The following SLC16A12 variants were observed in gnomAD, a reference collection of about 807,000 sequenced individuals.
SLC16A12 encodes monocarboxylate transporter 12.
SLC16A12 carries 17 observed loss-of-function variants against 42.4 expected under a neutral mutation model. That is an observed-to-expected ratio of 0.40 (90% CI 0.27 to 0.60). SLC16A12 has a LOEUF of 0.60. Ranked by LOEUF, SLC16A12 falls within the 20% of genes least tolerant of loss-of-function variation. The pLI is 0.42. For synonymous variants in SLC16A12, 224 were observed against 229.4 expected (o/e 0.98, Z 0.21); for missense variants, 544 against 623.0 (o/e 0.87, Z 1.35).
At chr10:89,437,504 C>A (rs989194691) in intron 6 of SLC16A12, among the ~76,000 whole-genome samples, 1 of 151,812 alleles carries the variant, frequency 6.6e-6, no homozygotes, top group African/African-American at 2.4e-5. Flanking sequence ...TAATAAGGAG[C>A]AAAGCCAGTG....
chr10:89,529,674 A>G (rs946228720), intron 2 of SLC16A12, among the ~76,000 whole-genome samples: 1 of 151,358 alleles, frequency 6.6e-6, no homozygotes, highest in African/African-American at 2.4e-5. Context: ...CAGCCCCCCT[A>G]GTAGCTGGGA....
chr10:89,543,124 G>C (rs1313074483), intron 2 of SLC16A12, among the ~76,000 whole-genome samples: 1 of 152,198 alleles, frequency 6.6e-6, no homozygotes. Context: ...GATGCTTAAT[G>C]GTTAGAGAGA....
intron 2 of SLC16A12, among the ~76,000 whole-genome samples, chr10:89,549,886 T>C (rs2133889794): frequency 6.6e-6 from 1 of 152,332 alleles, no homozygotes; most frequent in Non-Finnish European, 1.5e-5. Context: ...CCAGGGTAGC[T>C]GGAAGGGAGT....
At chr10:89,466,155 C>T (rs187144707) in intron 2 of SLC16A12, among the ~76,000 whole-genome samples, 3 of 152,282 alleles carry the variant, frequency 2.0e-5, no homozygotes, top group East Asian at 1.9e-4. Flanking sequence ...AATAATTTTA[C>T]TTTCACAAAA....
At chr10:89,473,171 C>T (rs303203) in intron 2 of SLC16A12, among the ~76,000 whole-genome samples, 70,794 of 150,826 alleles carry the variant, frequency 0.47, 16,880 homozygotes, top group Non-Finnish European at 0.52. Flanking sequence ...ATTCTAAAAT[C>T]TATATGGAAC....
rs1841845791 is a variant in SLC16A12, at chr10:89,438,661, A to G, written c.971T>C (p.Ile324Thr). ...GCCAATAATGTCAATCACTCCAAGT[A>G]TGGACATAAGAAAAGCAGCTTGCTG... ...SHQQAAFLMS[I>T]LGVIDIIGNI... Residue 324 changes from isoleucine (I) to threonine (T), a missense_variant, in exon 6 of 8, where the codon ATA becomes ACA. Coordinates refer to ENST00000371790, the MANE Select transcript of SLC16A12 (RefSeq NM_213606.4). 3 of 1,614,086 alleles carry G rather than the reference A, an allele frequency of 1.9e-6. No homozygotes were observed. Among genetic ancestry groups the G allele is most frequent in the Non-Finnish European group, 2.5e-6 (3 of 1,179,986 alleles).
chr10:89,546,633 C>G (rs759569282), intron 2 of SLC16A12, among the ~76,000 whole-genome samples: 2 of 152,192 alleles, frequency 1.3e-5, no homozygotes, highest in Admixed American at 1.3e-4. Context: ...CGCGATTCCT[C>G]AAGGATCTAG....
At chr10:89,511,823 A>C (rs1011031000) in intron 2 of SLC16A12, among the ~76,000 whole-genome samples, 34 of 152,330 alleles carry the variant, frequency 2.2e-4, no homozygotes, top group African/African-American at 8.2e-4. Flanking sequence ...TATACCCAAA[A>C]GAATTAAAAG....
intron 2 of SLC16A12, among the ~76,000 whole-genome samples, chr10:89,509,521 C>T (rs1340820221): frequency 6.6e-6 from 1 of 152,130 alleles, no homozygotes; most frequent in Non-Finnish European, 1.5e-5. Context: ...GCAAAAAAGG[C>T]CTTTGACAAA....
At chr10:89,496,842 A>C (rs1199489539) in intron 2 of SLC16A12, among the ~76,000 whole-genome samples, 1 of 152,174 alleles carries the variant, frequency 6.6e-6, no homozygotes, top group African/African-American at 2.4e-5. Flanking sequence ...AGAGAGTGGA[A>C]GAATATATCT....
chr10:89,483,721 T>C lies in SLC16A12; in HGVS notation c.-46-21097A>G, dbSNP rs1391270714. ...CCACTGCACTCCAGCCTTGGCAACA[T>C]AGTGAGACGCTGCCTCTAAAAAAAA... On this transcript the variant is annotated intron_variant, in intron 2 of 7. Transcript: ENST00000371790. Among the ~76,000 whole-genome samples, 4 of 121,436 alleles carry C rather than the reference T, an allele frequency of 3.3e-5. No individual in the cohort carries two copies. The East Asian group carries it at 6.8e-4, about 21-fold the overall frequency. 79.7% of individuals were successfully genotyped at this position (121,436 alleles called of 152,430 possible).
chr10:89,520,359 A>G (rs979669662), intron 2 of SLC16A12, among the ~76,000 whole-genome samples: 1 of 152,186 alleles, frequency 6.6e-6, no homozygotes, highest in Non-Finnish European at 1.5e-5. Flanking sequence ...TCAAAAAATT[A>G]TGTCCCCTAC....
intron 4 of SLC16A12, among the ~76,000 whole-genome samples, chr10:89,442,933 C>A (rs1370607204): frequency 6.6e-6 from 1 of 152,112 alleles, no homozygotes; most frequent in African/African-American, 2.4e-5. Context: ...ATACTCAGAA[C>A]TCATTGAAAT....
chr10:89,447,362 C>A (rs575383183), intron 3 of SLC16A12, among the ~76,000 whole-genome samples: 53 of 152,260 alleles, frequency 3.5e-4, no homozygotes, highest in Non-Finnish European at 6.0e-4. Context: ...TGGAAGTAAA[C>A]CACTCCTTAG....
In SLC16A12 at chr10:89,495,346, C is replaced by T. The variant is rs1390732190; in HGVS notation, c.-46-32722G>A. Among the ~76,000 whole-genome samples the T allele has an allele frequency of 2.6e-5, 4 of 152,090 alleles. No homozygotes were observed. The East Asian group carries it at 7.7e-4, about 29-fold the overall frequency. On this transcript the variant is annotated intron_variant, in intron 2 of 7. Coordinates refer to ENST00000371790, the MANE Select transcript of SLC16A12 (RefSeq NM_213606.4). ...CCAGCCTGGGCCACAGAGCAAGACT[C>T]CGTCTCTCAAAAAACAAACAAACAA...
In SLC16A12 at chr10:89,468,239, A is replaced by G. The variant is rs140153122; in HGVS notation, c.-46-5615T>C. On this transcript the variant is annotated intron_variant, in intron 2 of 7. Coordinates refer to ENST00000371790, the MANE Select transcript of SLC16A12 (RefSeq NM_213606.4). ...ACAAGGAACATCCTCATGGGACACC[A>G]GGGTGGGGAGAAAGAGCCTCTCTGC... The G allele has an allele frequency of 6.6e-5, 10 of 152,342 alleles. No individual in the cohort carries two copies. The East Asian group carries it at 1.9e-3, about 29-fold the overall frequency. The allele number at this position is 152,342 out of a possible 1,614,324, so 9.4% of individuals were successfully genotyped here. A position where few individuals can be genotyped will look rare whatever the true frequency, so the allele number is the denominator to read the frequency against.
chr10:89,466,481 A>C (rs1366850924), intron 2 of SLC16A12, among the ~76,000 whole-genome samples: 1 of 152,212 alleles, frequency 6.6e-6, no homozygotes, highest in Non-Finnish European at 1.5e-5. Flanking sequence ...TACTTCACAG[A>C]ATCATACTTA....
chr10:89,556,219 G>A (rs1843815006), intron 1 of SLC16A12, among the ~76,000 whole-genome samples: 1 of 152,008 alleles, frequency 6.6e-6, no homozygotes. Flanking sequence ...CTATGGGTGG[G>A]TACTCCATTG....
At chr10:89,513,822 A>C (rs1437453635) in intron 2 of SLC16A12, among the ~76,000 whole-genome samples, 1 of 152,202 alleles carries the variant, frequency 6.6e-6, no homozygotes, top group African/African-American at 2.4e-5. Context: ...GGCATTCTTA[A>C]GTAAAACTTT....
Sources: allele counts gnomAD v4.1 joint callset (sites outside exome capture counted in the v4.1 genomes callset), GRCh38; gene constraint gnomAD v4.1.1; transcripts MANE v1.5; gene names NCBI Gene and HGNC (gene_info 2026-07-23, HGNC 2026-07-21).